Variants in NRXN1 observed in about 807,000 individuals in gnomAD.
The protein encoded by NRXN1 is neurexin 1, also known as neurexin-1.
NRXN1 carries 39 observed loss-of-function variants against 150.9 expected under a neutral mutation model. That is an observed-to-expected ratio of 0.26 (90% confidence interval 0.20 to 0.34). The LOEUF is 0.34. Among genes scored for constraint, NRXN1 ranks in the 10% least tolerant of loss-of-function variants. The pLI, the probability that NRXN1 is intolerant of heterozygous loss-of-function variation, is 1.00. For synonymous variants in NRXN1, 924 were observed against 757.0 expected (o/e 1.22, Z -3.62); for missense variants, 1,815 against 1,949.9 (o/e 0.93, Z 1.30).
At chr2:50,936,109 C>T (rs1194738384) in intron 2 of NRXN1, among the ~76,000 whole-genome samples, 1 of 152,074 alleles carries the variant, frequency 6.6e-6, no homozygotes, top group African/African-American at 2.4e-5. Flanking sequence ...ATGTCCCAAG[C>T]ATATGAGCTG....
At chr2:50,571,247 A>C (rs1670618949) in intron 8 of NRXN1, among the ~76,000 whole-genome samples, 1 of 152,200 alleles carries the variant, frequency 6.6e-6, no homozygotes, top group Non-Finnish European at 1.5e-5. Flanking sequence ...CTAATAGCTG[A>C]TTGCTTCAGA....
At chr2:50,160,002 C>T (rs534656050) in intron 18 of NRXN1, among the ~76,000 whole-genome samples, 1 of 152,090 alleles carries the variant, frequency 6.6e-6, no homozygotes, top group East Asian at 1.9e-4. Context: ...TTTTTGTGAC[C>T]ATTAAAATAT....
At chr2:50,514,442 T>C (rs2092566200) in intron 12 of NRXN1, among the ~76,000 whole-genome samples, 1 of 152,216 alleles carries the variant, frequency 6.6e-6, no homozygotes, top group African/African-American at 2.4e-5. Flanking sequence ...ATGGCACCCA[T>C]ATGCTATTAA....
At chr2:49,935,794 G>A (rs1481410641) in intron 22 of NRXN1, among the ~76,000 whole-genome samples, 1 of 152,110 alleles carries the variant, frequency 6.6e-6, no homozygotes, top group Admixed American at 6.5e-5. Context: ...ACAGGTATTT[G>A]ACACAAATTA....
At chr2:50,026,453 T>A (rs1187058483) in intron 21 of NRXN1, among the ~76,000 whole-genome samples, 1 of 152,166 alleles carries the variant, frequency 6.6e-6, no homozygotes, top group South Asian at 2.1e-4. Flanking sequence ...TTCCTTCACA[T>A]GGTTATGTTT....
At chr2:50,169,600 C>T (rs1020825685) in intron 18 of NRXN1, among the ~76,000 whole-genome samples, 4 of 151,408 alleles carry the variant, frequency 2.6e-5, no homozygotes, top group African/African-American at 7.3e-5. Flanking sequence ...GTAATCCCAG[C>T]TACTCGGGAG....
intron 18 of NRXN1, among the ~76,000 whole-genome samples, chr2:50,192,763 C>G (rs922372482): frequency 1.3e-5 from 2 of 152,056 alleles, no homozygotes; most frequent in African/African-American, 4.8e-5. Flanking sequence ...TGCACCACCA[C>G]TCCCGGCTAA....
intron 18 of NRXN1, among the ~76,000 whole-genome samples, chr2:50,216,041 T>C (rs1310078301): frequency 6.6e-6 from 1 of 152,004 alleles, no homozygotes; most frequent in Non-Finnish European, 1.5e-5. Flanking sequence ...AAAGAAAAGA[T>C]GGTGTCAGAA....
At chr2:50,741,447 T>C (rs2105273425) in intron 5 of NRXN1, among the ~76,000 whole-genome samples, 1 of 152,312 alleles carries the variant, frequency 6.6e-6, no homozygotes, top group South Asian at 2.1e-4. Context: ...AAGAAAAGAA[T>C]AATCATTTAT....
At chr2:50,359,300 C>T (rs2079028286) in intron 17 of NRXN1, among the ~76,000 whole-genome samples, 1 of 151,788 alleles carries the variant, frequency 6.6e-6, no homozygotes, top group African/African-American at 2.4e-5. Context: ...TGGGTAATAA[C>T]AGACTCCTCT....
At chr2:50,977,145 T>C (rs1441439551) in intron 2 of NRXN1, among the ~76,000 whole-genome samples, 1 of 151,968 alleles carries the variant, frequency 6.6e-6, no homozygotes, top group African/African-American at 2.4e-5. Flanking sequence ...TATTATATGA[T>C]GCTTCATTAC....
chr2:50,861,741 G>A (rs1364295935), intron 5 of NRXN1, among the ~76,000 whole-genome samples: 2 of 152,004 alleles, frequency 1.3e-5, no homozygotes, highest in African/African-American at 2.4e-5. Flanking sequence ...CAGGTCCCAG[G>A]TGGTTCATCT....
chr2:50,406,870 T>C (rs1289937184), intron 17 of NRXN1, among the ~76,000 whole-genome samples: 1 of 152,148 alleles, frequency 6.6e-6, no homozygotes, highest in African/African-American at 2.4e-5. Flanking sequence ...ATTTAATCTA[T>C]GCAGCATTCC....
chr2:50,351,227 T>G (rs1331916537), intron 17 of NRXN1, among the ~76,000 whole-genome samples: 1 of 152,196 alleles, frequency 6.6e-6, no homozygotes, highest in African/African-American at 2.4e-5. Context: ...TTTGGCTAAC[T>G]GTAATGTATT....
chr2:50,365,813 G>C (rs2079541472), intron 17 of NRXN1, among the ~76,000 whole-genome samples: 1 of 152,010 alleles, frequency 6.6e-6, no homozygotes, highest in African/African-American at 2.4e-5. Context: ...TAACATAGCA[G>C]ACATTTCTTG....
At position 50,982,934 on chromosome 2, in the gene NRXN1, T is replaced by C. The variant is rs1334846973; in HGVS notation, c.772+44568A>G. ...CTGCCTGAGAGTCATGAACCACTTG[T>C]ACCCCTTCCCAATTTATTCACTTAT... On this transcript the variant is annotated intron_variant, in intron 2 of 22. Coordinates refer to ENST00000401669, the MANE Select transcript of NRXN1 (RefSeq NM_001330078.2). 3.9e-5 allele frequency among the ~76,000 whole-genome samples: 6 copies of C among 152,056 alleles called. No individual in the cohort carries two copies. The South Asian group carries it at 1.2e-3, about 31-fold the overall frequency.
chr2:50,699,634 C>A (rs954710203), intron 5 of NRXN1, among the ~76,000 whole-genome samples: 3 of 151,956 alleles, frequency 2.0e-5, no homozygotes, highest in African/African-American at 4.8e-5. Context: ...GGACCTTAGG[C>A]CCACAACCAG....
At chr2:50,320,454 G>T (rs909166910) in intron 17 of NRXN1, among the ~76,000 whole-genome samples, 1 of 150,962 alleles carries the variant, frequency 6.6e-6, no homozygotes, top group African/African-American at 2.4e-5. Context: ...CATTTAAAGA[G>T]AATTAAAATG....
intron 5 of NRXN1, among the ~76,000 whole-genome samples, chr2:50,687,440 T>C (rs1453550612): frequency 6.6e-6 from 1 of 152,198 alleles, no homozygotes. Context: ...TATATATTTC[T>C]ATGCATGCTT....
Sources: gnomAD v4.1 joint callset for allele counts (sites outside exome capture counted in the v4.1 genomes callset) on GRCh38, gnomAD v4.1.1 for gene constraint, MANE v1.5 for transcripts, NCBI Gene and HGNC (gene_info 2026-07-23, HGNC 2026-07-21) for gene names.